TDRD3: variants seen among roughly 807,000 people sequenced by gnomAD.
TDRD3 encodes tudor domain containing 3.
Under a neutral mutation model 86.7 loss-of-function variants are expected in TDRD3, and 45 were observed. The observed-to-expected ratio is 0.52, with a 90% CI of 0.41 to 0.67. The LOEUF (loss-of-function observed/expected upper bound fraction) is 0.67, where lower values mean the gene tolerates loss of function less well. Among genes scored for constraint, TDRD3 ranks in the 30% least tolerant of loss-of-function variants. The pLI is 0.00. For synonymous variants in TDRD3, 298 were observed against 301.7 expected, an observed-to-expected ratio of 0.99 and a Z score of 0.13; for missense variants, 814 against 889.0, an observed-to-expected ratio of 0.92 and a Z score of 1.07.
chr13:60,417,725 C>G (rs1319886081), intron 1 of TDRD3, among the ~76,000 whole-genome samples: 1 of 152,186 alleles, frequency 6.6e-6, no homozygotes, highest in Non-Finnish European at 1.5e-5. Flanking sequence ...ATGAAATACT[C>G]TGCACAATTC....
chr13:60,527,007 G>A (rs1957454049), intron 10 of TDRD3, among the ~76,000 whole-genome samples: 1 of 151,968 alleles, frequency 6.6e-6, no homozygotes, highest in Non-Finnish European at 1.5e-5. Context: ...GCTAATTTTT[G>A]TATTTTTAGT....
Position 60,439,688 on chromosome 13 carries a change from G to A in TDRD3, c.42G>A (p.Trp14Ter), listed in dbSNP as rs1346676815. Residue 14 changes from tryptophan (W) to a stop codon, truncating the protein, a stop_gained and splice_region_variant, in exon 2 of 14, where the codon TGG (tryptophan) becomes TGA (stop). Transcript: ENST00000377881. LOFTEE classifies it high-confidence loss of function. ...VAGAALSQAG[W>*]YLSDEGIEAC... ...TAAGCCATTTATTTTATTTTAACAG[G>A]TATCTTTCAGATGAAGGCATTGAAG... is the stretch of plus-strand genomic sequence containing the variant. 4.6e-6 allele frequency: 7 copies of A among 1,533,058 alleles called. No homozygotes were observed. Among genetic ancestry groups the A allele is most frequent in the Non-Finnish European group, 6.1e-6 (7 of 1,140,814 alleles). The allele number at this position is 1,533,058 out of a possible 1,614,324, so 95.0% of individuals were successfully genotyped here.
intron 7 of TDRD3, among the ~76,000 whole-genome samples, chr13:60,491,626 A>G (rs1956590186): frequency 6.6e-6 from 1 of 152,184 alleles, no homozygotes; most frequent in African/African-American, 2.4e-5. Context: ...ACTTAGAATT[A>G]ATATAGAATC....
chr13:60,565,823 A>G (rs74078483), intron 12 of TDRD3, among the ~76,000 whole-genome samples: 2 of 152,218 alleles, frequency 1.3e-5, no homozygotes, highest in East Asian at 1.9e-4. Flanking sequence ...CTTGAAAATC[A>G]TTCAGAACAC....
At chr13:60,457,665 A>C (rs1955711998) in intron 3 of TDRD3, among the ~76,000 whole-genome samples, 1 of 152,172 alleles carries the variant, frequency 6.6e-6, no homozygotes, top group African/African-American at 2.4e-5. Context: ...AAACAATGGA[A>C]ATTTATTTTC....
chr13:60,434,201 G>A (rs1311356696), intron 1 of TDRD3: 1 of 152,114 alleles, frequency 6.6e-6, no homozygotes, highest in Non-Finnish European at 1.5e-5. Flanking sequence ...TGGGTGTGGT[G>A]GCTCATGCCT....
rs183434519 is a variant in TDRD3, at chr13:60,523,076, T to G, written c.1142-5291T>G. On this transcript the variant is annotated intron_variant, in intron 10 of 13. Transcript: ENST00000377881. The stretch of plus-strand genomic sequence containing the variant: ...TGGCTGTGAGGATTACATGAAATTA[T>G]GTAGGCAAAAGACCTTTAACATAGA... Among the ~76,000 whole-genome samples the G allele has an allele frequency of 2.9e-3, 440 of 152,316 alleles. 2 individuals are homozygous for G. Among genetic ancestry groups the G allele is most frequent in the African/African-American group, 0.01 (426 of 41,566 alleles).
intron 1 of TDRD3, among the ~76,000 whole-genome samples, chr13:60,407,315 T>C (rs937499937): frequency 2.6e-5 from 4 of 152,238 alleles, no homozygotes; most frequent in African/African-American, 9.6e-5. Context: ...TACTCTCATC[T>C]TAGTTGGTCT....
intron 1 of TDRD3, among the ~76,000 whole-genome samples, chr13:60,412,284 G>A (rs901568341): frequency 3.3e-5 from 5 of 152,060 alleles, no homozygotes; most frequent in Non-Finnish European, 4.4e-5. Context: ...TTCAGCTTAC[G>A]GTAAATTTGA....
At chr13:60,560,416 G>T in intron 12 of TDRD3, among the ~76,000 whole-genome samples, 1 of 151,990 alleles carries the variant, frequency 6.6e-6, no homozygotes, top group Admixed American at 6.6e-5. Context: ...ATTTAATAAG[G>T]GTGACTTCTC....
intron 1 of TDRD3, among the ~76,000 whole-genome samples, chr13:60,417,465 C>A (rs1027415289): frequency 9.2e-5 from 14 of 151,748 alleles, no homozygotes; most frequent in African/African-American, 2.9e-4. Flanking sequence ...CCTCAGCCTC[C>A]TGAGTAGCTG....
chr13:60,529,215 A>C lies in TDRD3; in HGVS notation c.1990A>C (p.Lys664Gln). 2 of 1,591,438 alleles carry C rather than the reference A, an allele frequency of 1.3e-6. No individual in the cohort carries two copies. Among genetic ancestry groups the C allele is most frequent in the Non-Finnish European group, 1.7e-6 (2 of 1,170,488 alleles). ...TTTTGCACTTTATTGGGAAGACAAC[A>C]AGGTATGGATGCTTTAAAGATATTA... ...ECFALYWEDN[K>Q]FYRAEVEALH... The change falls in exon 11 of 14, where the codon AAG (lysine) becomes CAG (glutamine). Residue 664 changes from lysine (K) to glutamine (Q), a missense_variant and splice_region_variant. Transcript: ENST00000377881.
At chr13:60,567,387 T>G (rs1437034431) in intron 12 of TDRD3, 138 bp from the exon 13 acceptor site, 23 of 1,049,574 alleles carry the variant, frequency 2.2e-5, no homozygotes, top group Non-Finnish European at 2.7e-5. Context: ...CTTGCCTCCC[T>G]CTGTTGTAAA....
chr13:60,564,977 A>G (rs934689627), intron 12 of TDRD3, among the ~76,000 whole-genome samples: 7 of 151,472 alleles, frequency 4.6e-5, no homozygotes, highest in Admixed American at 2.6e-4. Flanking sequence ...ATGAGTATTT[A>G]AAAGTTAAAA....
intron 1 of TDRD3, among the ~76,000 whole-genome samples, chr13:60,408,427 A>G (rs1217662264): frequency 6.6e-6 from 1 of 152,238 alleles, no homozygotes. Context: ...GCTTAGAAGA[A>G]GACAGGAAAA....
At chr13:60,484,137 T>C (rs1956377201) in intron 6 of TDRD3, among the ~76,000 whole-genome samples, 1 of 151,918 alleles carries the variant, frequency 6.6e-6, no homozygotes, top group African/African-American at 2.4e-5. Flanking sequence ...TGAGGGAAAT[T>C]CAAAAGTAAG....
intron 12 of TDRD3, among the ~76,000 whole-genome samples, chr13:60,559,849 T>C (rs1958291410): frequency 6.6e-6 from 1 of 152,188 alleles, no homozygotes; most frequent in South Asian, 2.1e-4. Flanking sequence ...AGTAGTGTAT[T>C]GTATGCTTGA....
intron 3 of TDRD3, 112 bp downstream of exon 3, chr13:60,444,860 A>C: frequency 3.9e-6 from 2 of 516,504 alleles, no homozygotes; most frequent in South Asian, 8.4e-5. Flanking sequence ...AATACTCTGG[A>C]GGTGAACAGG....
chr13:60,424,506 T>C (rs1954749728), intron 1 of TDRD3, among the ~76,000 whole-genome samples: 1 of 151,598 alleles, frequency 6.6e-6, no homozygotes, highest in African/African-American at 2.4e-5. Context: ...GCAAAACCCC[T>C]TCTCTACTAA....
Sources: allele counts gnomAD v4.1 joint callset (sites outside exome capture counted in the v4.1 genomes callset), GRCh38; gene constraint gnomAD v4.1.1; transcripts MANE v1.5; gene names NCBI Gene and HGNC (gene_info 2026-07-23, HGNC 2026-07-21).